The following MBTPS1 variants were observed in gnomAD, a reference collection of about 807,000 sequenced individuals.
MBTPS1 encodes membrane bound transcription factor peptidase, site 1, also known as membrane-bound transcription factor site-1 protease.
Under a neutral mutation model 127.8 loss-of-function variants are expected in MBTPS1, and 94 were observed. The ratio of observed to expected loss-of-function variants is 0.74; its 90% confidence interval spans 0.62 to 0.87. The LOEUF (loss-of-function observed/expected upper bound fraction) is 0.87. Ranked by LOEUF, MBTPS1 falls within the 40% of genes least tolerant of loss-of-function variation. The pLI is 0.00. For synonymous variants in MBTPS1, 632 were observed against 509.4 expected (o/e 1.24, Z -3.24); for missense variants, 1,636 against 1,353.2 (o/e 1.21, Z -3.28).
Position 84,063,301 on chromosome 16 carries a change from C to G in MBTPS1, c.2572+4G>C, listed in dbSNP as rs372976515. ...GTCACAAAGTCCATCTGCGTTTTTCCTACCCTTCTGTCGGTGACTGTCATC... is the reference window on the plus strand; with the variant it reads ...GTCACAAAGTCCATCTGCGTTTTTCGTACCCTTCTGTCGGTGACTGTCATC... On this transcript the variant is annotated splice_donor_region_variant and intron_variant, in intron 19 of 22. Transcript: ENST00000343411. 6.8e-6 allele frequency: 11 copies of G among 1,606,162 alleles called. No homozygotes were observed. The African/African-American group carries it at 1.5e-4, about 21-fold the overall frequency.
intron 17 of MBTPS1, among the ~76,000 whole-genome samples, chr16:84,066,176 A>G (rs942945799): frequency 6.6e-6 from 1 of 152,190 alleles, no homozygotes; most frequent in Non-Finnish European, 1.5e-5. Flanking sequence ...CGGGAAACAC[A>G]AAGTTATTTC....
intron 4 of MBTPS1, among the ~76,000 whole-genome samples, chr16:84,095,275 C>CGTTTGTGTATGTG: frequency 6.6e-6 from 1 of 152,194 alleles, no homozygotes; most frequent in East Asian, 1.9e-4. Context: ...GCGCTGTGCT[C>CGTTTGTGTATGTG]GTTTGTGTAT....
At chr16:84,116,222 A>G (rs368781982) in intron 1 of MBTPS1, among the ~76,000 whole-genome samples, 15 of 152,174 alleles carry the variant, frequency 9.9e-5, no homozygotes, top group African/African-American at 3.6e-4. Flanking sequence ...ACGATCCACA[A>G]CGGTCTTAGG....
Position 84,054,507 on chromosome 16 carries a change from C to T in MBTPS1, c.3101G>A (p.Arg1034Lys), listed in dbSNP as rs1030576478. 1 of 1,613,752 alleles carries T rather than the reference C, an allele frequency of 6.2e-7. No homozygotes were observed. Among genetic ancestry groups the T allele is most frequent in the Non-Finnish European group, 8.5e-7 (1 of 1,179,820 alleles). The change falls in exon 23 of 23, where the codon AGG (arginine) becomes AAG (lysine). Residue 1034 changes from arginine (R) to lysine (K), a missense_variant. Physicochemically the swap from Arg to Lys is conservative, Grantham distance 26 (BLOSUM62 2). Transcript: ENST00000343411. ...AKSRPKRRKPRVKRPQLMQQV... is the reference protein window; with the variant it reads ...AKSRPKRRKPKVKRPQLMQQV... Reference sequence around the variant, plus strand: ...CTGCATGAGCTGCGGGCGCTTCACCCTGGGCTTCCTCCGCTTCGGCCTGCT... The same window carrying T: ...CTGCATGAGCTGCGGGCGCTTCACCTTGGGCTTCCTCCGCTTCGGCCTGCT...
intron 18 of MBTPS1, 52 bp from the exon 19 acceptor site, chr16:84,063,497 G>A: frequency 6.5e-7 from 1 of 1,547,308 alleles, no homozygotes; most frequent in Non-Finnish European, 8.9e-7. Context: ...ACTGAGCAGT[G>A]AGTTATTTCC....
intron 4 of MBTPS1, among the ~76,000 whole-genome samples, chr16:84,095,298 G>A (rs767688357): frequency 4.6e-5 from 7 of 152,212 alleles, no homozygotes; most frequent in Non-Finnish European, 7.3e-5. Flanking sequence ...GTCAATAGGA[G>A]AGAAGTGCTC....
Position 84,065,774 on chromosome 16 carries a change from A to C in MBTPS1, c.2354-7T>G. The C allele has an allele frequency of 6.4e-7, 1 of 1,561,758 alleles. No individual in the cohort carries two copies. The highest frequency in any genetic ancestry group is 8.7e-7 in the Non-Finnish European group (1 of 1,155,158). On this transcript the variant is annotated splice_polypyrimidine_tract_variant and splice_region_variant and intron_variant, in intron 17 of 22. Coordinates refer to ENST00000343411, the MANE Select transcript of MBTPS1 (RefSeq NM_003791.4). ...CACCCTGACGCATAATACACTAGGA[A>C]AGAGTGTTCAAAGTCAAGGGAACAC...
At chr16:84,068,541 G>C in intron 14 of MBTPS1, 87 bp from the exon 15 acceptor site, 1 of 897,196 alleles carries the variant, frequency 1.1e-6, no homozygotes, top group Non-Finnish European at 1.8e-6. Context: ...CTCTGCAAGA[G>C]CACCATGCCA....
chr16:84,096,954 A>G (rs1276866744), intron 3 of MBTPS1, among the ~76,000 whole-genome samples: 1 of 152,238 alleles, frequency 6.6e-6, no homozygotes, highest in African/African-American at 2.4e-5. Context: ...CAAACAATTT[A>G]GAAAAATTAG....
chr16:84,055,931 T>TG (rs11415464), intron 22 of MBTPS1, 74 bp downstream of exon 22: 1,063,035 of 1,526,452 alleles, frequency 0.7, 372,085 homozygotes, highest in East Asian at 0.91. Flanking sequence ...GCCCGCCTCC[T>TG]GGGGAGGGAG....
At position 84,081,780 on chromosome 16, in the gene MBTPS1, T is replaced by C. The variant is rs547430746; in HGVS notation, c.1415A>G (p.Tyr472Cys). ...GHGKLDLLRA[Y>C]QILNSYKPQA... ...TGGCTTGTAGCTGTTGAGGATCTGA[T>C]AGGCTCTGAGCAGATCGAGCTTGCC... The change falls in exon 11 of 23, where the codon TAT becomes TGT. Residue 472 changes from tyrosine (Y) to cysteine (C), a missense_variant. By Grantham distance (194) the Tyr-to-Cys change is radical. Coordinates refer to ENST00000343411, the MANE Select transcript of MBTPS1 (RefSeq NM_003791.4). 17 of 1,462,282 alleles carry C rather than the reference T, an allele frequency of 1.2e-5. No individual in the cohort carries two copies. The highest frequency in any genetic ancestry group is 1.8e-4 in the Middle Eastern group (1 of 5,478). 90.6% of individuals were successfully genotyped at this position (1,462,282 alleles called of 1,614,324 possible).
intron 6 of MBTPS1, among the ~76,000 whole-genome samples, 154 bp from the exon 7 acceptor site, chr16:84,092,002 T>C (rs898796682): frequency 6.6e-6 from 1 of 152,170 alleles, no homozygotes; most frequent in Non-Finnish European, 1.5e-5. Context: ...TGCATAATGC[T>C]CTGGAGAGTA....
chr16:84,060,787 G>C lies in MBTPS1; in HGVS notation c.2599C>G (p.Leu867Val), dbSNP rs2085598982. The C allele has an allele frequency of 1.2e-5, 19 of 1,596,586 alleles. No homozygotes were observed. The highest frequency in any genetic ancestry group is 1.5e-5 in the Non-Finnish European group (18 of 1,171,496). ...KDCFWLLDAL[L>V]QYTSYGVTPP... ...GTCACCCCATACGATGTGTACTGGA[G>C]GAGGGCATCCAGAAGCCAAAAGCAG... Residue 867 changes from leucine (L) to valine (V), a missense_variant, in exon 20 of 23, where the codon CTC becomes GTC. By Grantham distance (32) the Leu-to-Val change is conservative. Coordinates refer to ENST00000343411, the MANE Select transcript of MBTPS1 (RefSeq NM_003791.4).
intron 11 of MBTPS1, among the ~76,000 whole-genome samples, chr16:84,078,851 G>T (rs1035780555): frequency 6.6e-6 from 1 of 152,206 alleles, no homozygotes; most frequent in African/African-American, 2.4e-5. Context: ...GCAGGGGGAA[G>T]GATAAACCCA....
intron 1 of MBTPS1, among the ~76,000 whole-genome samples, chr16:84,113,511 G>T (rs577600205): frequency 2.6e-5 from 4 of 152,356 alleles, no homozygotes; most frequent in African/African-American, 9.6e-5. Context: ...AGACTCAGTA[G>T]AAGAAATGTA....
intron 3 of MBTPS1, among the ~76,000 whole-genome samples, chr16:84,097,788 G>A (rs1012741436): frequency 1.3e-5 from 2 of 151,798 alleles, no homozygotes; most frequent in Non-Finnish European, 2.9e-5. Flanking sequence ...GAAAAAGTCA[G>A]ACGCCTTAAG....
Position 84,066,763 on chromosome 16 carries a change from G to C in MBTPS1, c.2229-150C>G, listed in dbSNP as rs1017285896. The C allele has an allele frequency of 6.9e-6, 5 of 719,472 alleles. No homozygotes were observed. The Admixed American group carries it at 9.6e-5, about 14-fold the overall frequency. The allele number at this position is 719,472 out of a possible 1,614,324, so 44.6% of individuals were successfully genotyped here. A position where few individuals can be genotyped will look rare whatever the true frequency, so the allele number is the denominator to read the frequency against. On this transcript the variant is annotated intron_variant, in intron 16 of 22. Coordinates refer to ENST00000343411, the MANE Select transcript of MBTPS1 (RefSeq NM_003791.4). The stretch of plus-strand genomic sequence containing the variant: ...AACTGAAACCAACTGTCTGGGTTTG[G>C]GTAAAACTGCAAATTTAAGTGCTTC...
intron 4 of MBTPS1, among the ~76,000 whole-genome samples, chr16:84,094,915 C>A (rs917189269): frequency 6.6e-5 from 10 of 152,154 alleles, no homozygotes; most frequent in African/African-American, 1.9e-4. Context: ...ACGAAAGACA[C>A]CGAGGCAAAC....
chr16:84,069,601 G>C (rs988704191), intron 14 of MBTPS1, among the ~76,000 whole-genome samples: 1 of 152,208 alleles, frequency 6.6e-6, no homozygotes, highest in Non-Finnish European at 1.5e-5. Context: ...TTGAGGGTAA[G>C]ACTGACAGCT....
Sources: allele counts gnomAD v4.1 joint callset (sites outside exome capture counted in the v4.1 genomes callset), GRCh38; gene constraint gnomAD v4.1.1; transcripts MANE v1.5; gene names NCBI Gene and HGNC (gene_info 2026-07-23, HGNC 2026-07-21).